ITPK1: variants seen among roughly 807,000 people sequenced by gnomAD.
The protein encoded by ITPK1 is inositol-tetrakisphosphate 1-kinase.
In ITPK1, 21 loss-of-function variants were observed where a neutral mutation model predicts 45.3. The observed-to-expected ratio is 0.46, with a 90% confidence interval of 0.33 to 0.67. The LOEUF is 0.67. Among genes scored for constraint, ITPK1 ranks in the 30% least tolerant of loss-of-function variants. The probability of loss-of-function intolerance (pLI) is 0.02; values close to 1 mark genes in which losing one functional copy is unlikely to be tolerated. For missense variants in ITPK1, 474 were observed against 573.5 expected (o/e 0.83, Z 1.77); for synonymous variants, 258 against 253.6 (o/e 1.02, Z -0.16).
chr14:93,079,736 CA>C (rs1891366339), intron 2 of ITPK1, among the ~76,000 whole-genome samples: 1 of 152,192 alleles, frequency 6.6e-6, no homozygotes, highest in Non-Finnish European at 1.5e-5. Context: ...CCCCAAGAAG[CA>C]AGTTCCTAAA....
chr14:92,993,704 G>A (rs776583728), intron 5 of ITPK1, among the ~76,000 whole-genome samples, 176 bp downstream of exon 5: 1 of 152,100 alleles, frequency 6.6e-6, no homozygotes, highest in Non-Finnish European at 1.5e-5. Flanking sequence ...CTCACTGCTG[G>A]TCACAGGAGA....
intron 4 of ITPK1, among the ~76,000 whole-genome samples, chr14:92,996,432 G>T (rs990126346): frequency 7.3e-6 from 1 of 137,114 alleles, no homozygotes; most frequent in Non-Finnish European, 1.6e-5. Flanking sequence ...GGGGCCTGTC[G>T]CGGGGTGGGG....
chr14:93,077,016 C>T (rs1037222619), intron 2 of ITPK1, among the ~76,000 whole-genome samples: 1 of 152,178 alleles, frequency 6.6e-6, no homozygotes, highest in East Asian at 1.9e-4. Context: ...ATGTCCTCCC[C>T]ATCAGGTCTC....
chr14:93,105,645 C>A lies in ITPK1; in HGVS notation c.95+9424G>T, dbSNP rs1467338425. The stretch of plus-strand genomic sequence containing the variant: ...CAAGCGATTCTCCCACCTCAGCCTG[C>A]CGAGTAGTAGCTGGGATTACAGGCA... On this transcript the variant is annotated intron_variant, in intron 2 of 10. Coordinates refer to ENST00000267615, the MANE Select transcript of ITPK1 (RefSeq NM_014216.6). 1.5e-4 allele frequency among the ~76,000 whole-genome samples: 23 copies of A among 151,446 alleles called. 1 individual carries two copies. Among genetic ancestry groups the A allele is most frequent in the Admixed American group, 1.5e-3 (23 of 15,206 alleles).
In ITPK1 at chr14:92,973,670, C is replaced by T. The variant is rs117654379; in HGVS notation, c.365-10821G>A. 5.9e-5 allele frequency among the ~76,000 whole-genome samples: 9 copies of T among 152,334 alleles called. No individual in the cohort carries two copies. The East Asian group carries it at 1.7e-3, about 29-fold the overall frequency. ...GCAGCTCTGGAAACAACCCAAATGGCTTTTTGGCCAGCGATGACGATGGCA... is the reference window on the plus strand; with the variant it reads ...GCAGCTCTGGAAACAACCCAAATGGTTTTTTGGCCAGCGATGACGATGGCA... On this transcript the variant is annotated intron_variant, in intron 5 of 10. Coordinates refer to ENST00000267615, the MANE Select transcript of ITPK1 (RefSeq NM_014216.6).
intron 3 of ITPK1, among the ~76,000 whole-genome samples, chr14:93,066,964 C>T (rs1039581128): frequency 2.4e-4 from 37 of 152,136 alleles, no homozygotes; most frequent in African/African-American, 7.2e-5. Flanking sequence ...AAACGGGAAC[C>T]GACTGCTGAG....
At chr14:92,954,636 T>G (rs979280599) in intron 8 of ITPK1, among the ~76,000 whole-genome samples, 1 of 152,076 alleles carries the variant, frequency 6.6e-6, no homozygotes, top group African/African-American at 2.4e-5. Context: ...AAAAAATAGG[T>G]TTAAAAGAAG....
At chr14:92,954,303 G>T (rs1049710913) in intron 8 of ITPK1, among the ~76,000 whole-genome samples, 1 of 152,202 alleles carries the variant, frequency 6.6e-6, no homozygotes, top group South Asian at 2.1e-4. Flanking sequence ...AACAGGGGTC[G>T]GAGGGAGTAG....
intron 5 of ITPK1, among the ~76,000 whole-genome samples, chr14:92,967,704 A>G (rs1238580512): frequency 6.6e-6 from 1 of 152,238 alleles, no homozygotes; most frequent in East Asian, 1.9e-4. Context: ...CTACCCATAC[A>G]ATGGAATATT....
At chr14:93,068,004 CAA>C (rs11292611) in intron 3 of ITPK1, 801 of 134,246 alleles carry the variant, frequency 6.0e-3, no homozygotes, top group Admixed American at 5.5e-3. Context: ...AGAGGGGAGG[CAA>C]AAAAAAAAAA....
rs546275769 is a variant in ITPK1 at position 93,032,153 on chromosome 14, C to A, written c.121-15352G>T. Among the ~76,000 whole-genome samples the A allele has an allele frequency of 9.2e-5, 14 of 152,242 alleles. No individual in the cohort carries two copies. In the East Asian group the frequency reaches 2.7e-3, roughly 29 times the overall value. On this transcript the variant is annotated intron_variant, in intron 3 of 10. Coordinates refer to ENST00000267615, the MANE Select transcript of ITPK1 (RefSeq NM_014216.6). This position sits in a 1 kb window ranked among gnomAD's most constrained non-coding sequence, Gnocchi z 4.0. ...TCACTTGGGGTCAGGAGTTTGCAAC[C>A]AGCCTGGGCAACACAGTGAAACCCC...
intron 2 of ITPK1, among the ~76,000 whole-genome samples, chr14:93,098,303 A>G (rs962217046): frequency 2.0e-5 from 3 of 152,018 alleles, no homozygotes; most frequent in Non-Finnish European, 4.4e-5. Context: ...AAAACTACAA[A>G]AAAAGTAGCC....
chr14:92,975,651 CCAAT>C (rs1416614265), intron 5 of ITPK1, among the ~76,000 whole-genome samples: 2 of 152,206 alleles, frequency 1.3e-5, no homozygotes, highest in African/African-American at 4.8e-5. Flanking sequence ...TGGAGCCTGT[CCAAT>C]CAGTCAAAGG....
intron 4 of ITPK1, among the ~76,000 whole-genome samples, chr14:92,995,096 G>A (rs1886983996): frequency 6.6e-6 from 1 of 152,132 alleles, no homozygotes; most frequent in South Asian, 2.1e-4. Flanking sequence ...GGGCAGGGAA[G>A]CTTCGCCCTC....
chr14:93,033,252 G>A (rs1213220640), intron 3 of ITPK1, among the ~76,000 whole-genome samples: 1 of 152,218 alleles, frequency 6.6e-6, no homozygotes, highest in African/African-American at 2.4e-5. Context: ...TGGGGTGGGT[G>A]ATGTTAAGAT....
intron 2 of ITPK1, among the ~76,000 whole-genome samples, chr14:93,111,982 G>A (rs1006983036): frequency 1.3e-5 from 2 of 151,964 alleles, no homozygotes; most frequent in African/African-American, 4.8e-5. Context: ...CGGCAGGTGG[G>A]GCACTTCATG....
chr14:92,965,531 AG>A, intron 5 of ITPK1, among the ~76,000 whole-genome samples: 1 of 152,364 alleles, frequency 6.6e-6, no homozygotes. Context: ...ACAGAGTGGA[AG>A]GGAAGAAGTG....
intron 4 of ITPK1, among the ~76,000 whole-genome samples, chr14:93,000,794 T>C (rs541519953): frequency 9.9e-4 from 148 of 149,388 alleles, no homozygotes; most frequent in Non-Finnish European, 1.6e-3. Flanking sequence ...CTGGCCAACA[T>C]AGCAAAACCC....
In ITPK1 at chr14:93,093,762, T is replaced by C. The variant is rs549352561; in HGVS notation, c.96-17143A>G. 8.5e-5 allele frequency among the ~76,000 whole-genome samples: 13 copies of C among 152,254 alleles called. No individual in the cohort carries two copies. The East Asian group carries it at 2.3e-3, about 27-fold the overall frequency. On this transcript the variant is annotated intron_variant, in intron 2 of 10. Coordinates refer to ENST00000267615, the MANE Select transcript of ITPK1 (RefSeq NM_014216.6). ...CTGGATGGACTCTGAAGAGTTGATATCCACCACCACTGCACGATCTAGACC... is the reference window on the plus strand; with the variant it reads ...CTGGATGGACTCTGAAGAGTTGATACCCACCACCACTGCACGATCTAGACC...
Sources: allele counts gnomAD v4.1 joint callset (sites outside exome capture counted in the v4.1 genomes callset), GRCh38; gene constraint gnomAD v4.1.1; non-coding constraint Gnocchi (gnomAD v3.1); transcripts MANE v1.5; gene names NCBI Gene and HGNC (gene_info 2026-07-23, HGNC 2026-07-21).